The following RNF150 variants were observed in gnomAD, a reference collection of about 807,000 sequenced individuals.
RNF150 encodes the protein ring finger protein 150.
In RNF150, 24 loss-of-function variants were observed where a neutral mutation model predicts 39.3. The observed-to-expected ratio is 0.61, with a 90% CI of 0.44 to 0.86. The LOEUF (loss-of-function observed/expected upper bound fraction) is 0.86, where lower values mean the gene tolerates loss of function less well. Ranked by LOEUF, RNF150 falls within the 40% of genes least tolerant of loss-of-function variation. The pLI, the probability that RNF150 is intolerant of heterozygous loss-of-function variation, is 0.00. For synonymous variants in RNF150, 255 were observed against 227.3 expected, an observed-to-expected ratio of 1.12 and a Z score of -1.10; for missense variants, 502 against 587.8, an observed-to-expected ratio of 0.85 and a Z score of 1.51.
At chr4:140,922,086 C>A (rs1405303328) in intron 5 of RNF150, among the ~76,000 whole-genome samples, 9 of 151,798 alleles carry the variant, frequency 5.9e-5, no homozygotes, top group Non-Finnish European at 1.2e-4. Context: ...TCTCACCACA[C>A]CTATTCAACA....
intron 6 of RNF150, among the ~76,000 whole-genome samples, chr4:140,881,682 C>T (rs1220321555): frequency 6.6e-6 from 1 of 152,048 alleles, no homozygotes; most frequent in Non-Finnish European, 1.5e-5. Context: ...TGAGACCAGG[C>T]TGGGCAACAT....
At chr4:140,949,882 T>A (rs1190248882) in intron 2 of RNF150, among the ~76,000 whole-genome samples, 3 of 152,226 alleles carry the variant, frequency 2.0e-5, no homozygotes, top group Admixed American at 2.0e-4. Context: ...TCCATCACAT[T>A]CTCATGTGGC....
rs749214178 is a variant in RNF150, at chr4:141,148,434, G to T, written c.-6+64360C>A. Among the ~76,000 whole-genome samples the T allele has an allele frequency of 1.4e-3, 215 of 152,164 alleles. 1 individual carries two copies. The highest frequency in any genetic ancestry group is 4.9e-3 in the African/African-American group (204 of 41,502). On this transcript the variant is annotated intron_variant, in intron 1 of 7. Coordinates refer to the RNF150 transcript ENST00000420921. ...TGCCCCTGGACAACAGCTTTAGCAG[G>T]TTCTTAAAGCTTTTCACTTTTTTTT...
chr4:141,110,030 A>C (rs1166484093), intron 1 of RNF150, among the ~76,000 whole-genome samples: 5 of 152,218 alleles, frequency 3.3e-5, no homozygotes, highest in African/African-American at 1.2e-4. Context: ...CCAGGACAAC[A>C]GGGAACCAGA....
chr4:141,187,274 T>C (rs1040674163), intron 1 of RNF150, among the ~76,000 whole-genome samples: 7 of 152,160 alleles, frequency 4.6e-5, no homozygotes, highest in African/African-American at 1.2e-4. Context: ...CTTCCAATTA[T>C]ATGGTCAATT....
At chr4:140,896,556 A>G (rs1480629771) in intron 6 of RNF150, among the ~76,000 whole-genome samples, 1 of 84,284 alleles carries the variant, frequency 1.2e-5, no homozygotes, top group Non-Finnish European at 2.3e-5. Context: ...GGGAGGGGGG[A>G]GGGATAGCAT....
At chr4:140,939,295 G>T (rs11730659) in intron 4 of RNF150, among the ~76,000 whole-genome samples, 86,293 of 151,928 alleles carry the variant, frequency 0.57, 24,995 homozygotes, top group Non-Finnish European at 0.62. Flanking sequence ...TCAACACTAA[G>T]GCTTTTAGTT....
chr4:140,897,262 G>C (rs1408239257), intron 6 of RNF150, among the ~76,000 whole-genome samples: 1 of 152,158 alleles, frequency 6.6e-6, no homozygotes, highest in East Asian at 1.9e-4. Flanking sequence ...ACGCTGCAGG[G>C]ATAAGATACC....
intron 1 of RNF150, among the ~76,000 whole-genome samples, chr4:141,180,469 A>T (rs561856893): frequency 6.6e-6 from 1 of 152,320 alleles, no homozygotes; most frequent in East Asian, 1.9e-4. Context: ...TCTGTAGGTG[A>T]CAGATAATGG....
rs1184038188 is a variant in RNF150, at chr4:140,865,561, T to C, written c.*2700A>G. On this transcript the variant is annotated 3_prime_UTR_variant, in exon 7 of 7. Transcript: ENST00000515673. ...TTAAGCTTTTTTTTTTTCTTTTTTT[T>C]TTTTTTTTTAAACTATCAAAGCTAC... The C allele has an allele frequency of 3.3e-5, 5 of 151,626 alleles. No homozygotes were observed. The highest frequency in any genetic ancestry group is 2.1e-4 in the South Asian group (1 of 4,794). 9.4% of individuals were successfully genotyped at this position (151,626 alleles called of 1,614,324 possible).
At position 141,040,778 on chromosome 4, in the gene RNF150, TCAA is replaced by T. The variant is rs773344498; in HGVS notation, c.485-72908_485-72906del. On this transcript the variant is annotated intron_variant, in intron 1 of 6. Transcript: ENST00000515673. ...ATTACAACTACAGCAATCCAAATGC[TCAA>T]CAAGTATGGTCAGTAGGTGGAAACA... Among the ~76,000 whole-genome samples, 41 of 152,150 alleles carry T rather than the reference TCAA, an allele frequency of 2.7e-4. 1 individual carries two copies. The highest frequency in any genetic ancestry group is 3.9e-4 in the Admixed American group (6 of 15,258).
chr4:141,180,036 T>G (rs528456102), intron 1 of RNF150, among the ~76,000 whole-genome samples: 3 of 152,342 alleles, frequency 2.0e-5, no homozygotes, highest in Admixed American at 6.5e-5. Context: ...CGGTTTCTAT[T>G]TGGAATGCAT....
chr4:141,110,234 C>T (rs953186219), intron 1 of RNF150, among the ~76,000 whole-genome samples: 7 of 152,148 alleles, frequency 4.6e-5, no homozygotes, highest in Non-Finnish European at 7.3e-5. Context: ...ACAGCACTTG[C>T]TTATGGGCCC....
At chr4:141,052,742 C>T (rs533202022) in intron 1 of RNF150, among the ~76,000 whole-genome samples, 192 of 152,246 alleles carry the variant, frequency 1.3e-3, no homozygotes, top group Non-Finnish European at 2.3e-3. Flanking sequence ...CTGAGATGTG[C>T]TGGGAGGAGT....
intron 2 of RNF150, among the ~76,000 whole-genome samples, chr4:140,962,038 C>T (rs555990321): frequency 6.9e-4 from 104 of 150,344 alleles, no homozygotes; most frequent in Non-Finnish European, 1.3e-3. Flanking sequence ...CTAATATCAT[C>T]GTCTGATTAA....
At chr4:141,099,374 G>A (rs1738921314) in intron 1 of RNF150, among the ~76,000 whole-genome samples, 1 of 152,080 alleles carries the variant, frequency 6.6e-6, no homozygotes. Context: ...ATCAATATCA[G>A]ATTGATCTGG....
At chr4:140,940,167 C>T (rs890339193) in intron 4 of RNF150, among the ~76,000 whole-genome samples, 8 of 152,156 alleles carry the variant, frequency 5.3e-5, no homozygotes, top group African/African-American at 1.2e-4. Context: ...CCAGCCCCAT[C>T]GCCAACACAA....
intron 6 of RNF150, among the ~76,000 whole-genome samples, chr4:140,903,644 C>T (rs1408606138): frequency 6.6e-6 from 1 of 152,142 alleles, no homozygotes; most frequent in Non-Finnish European, 1.5e-5. Context: ...GTAACAGTTG[C>T]TGAGCCATGT....
At chr4:141,137,599 C>T (rs1348850917), upstream of RNF150, among the ~76,000 whole-genome samples, 3 of 152,020 alleles carry the variant, frequency 2.0e-5, no homozygotes, top group Non-Finnish European at 2.9e-5. Context: ...GGGAAAGAAT[C>T]GAGAGTTTGG....
Sources: gnomAD v4.1 joint callset for allele counts (sites outside exome capture counted in the v4.1 genomes callset) on GRCh38, gnomAD v4.1.1 for gene constraint, MANE v1.5 for transcripts, NCBI Gene and HGNC (gene_info 2026-07-23, HGNC 2026-07-21) for gene names.